SNX27: variants seen among roughly 807,000 people sequenced by gnomAD.
SNX27 encodes sorting nexin-27.
SNX27 carries 22 observed loss-of-function variants against 71.6 expected under a neutral mutation model. The ratio of observed to expected loss-of-function variants is 0.31; its 90% CI spans 0.22 to 0.44. SNX27 has a LOEUF of 0.44. Ranked by LOEUF, SNX27 falls within the 20% of genes least tolerant of loss-of-function variation. The pLI is 1.00. For missense variants in SNX27, 531 were observed against 698.6 expected (o/e 0.76, Z 2.70); for synonymous variants, 269 against 277.2 (o/e 0.97, Z 0.29).
At chr1:151,670,081 C>T (rs971833517) in intron 7 of SNX27, among the ~76,000 whole-genome samples, 2 of 152,172 alleles carry the variant, frequency 1.3e-5, no homozygotes, top group African/African-American at 2.4e-5. Flanking sequence ...CCATCCTACT[C>T]TCTATCTCCA....
chr1:151,642,598 T>C (rs1373578264), intron 2 of SNX27, among the ~76,000 whole-genome samples: 1 of 152,066 alleles, frequency 6.6e-6, no homozygotes, highest in Non-Finnish European at 1.5e-5. Context: ...TTTTATAGTT[T>C]CAGCTATCTT....
At chr1:151,615,590 A>G (rs1482946663) in intron 1 of SNX27, 2 of 510,054 alleles carry the variant, frequency 3.9e-6, no homozygotes, top group Non-Finnish European at 5.1e-6. Context: ...GTCCCAGGAA[A>G]GCTTTGCATG....
chr1:151,630,405 ATAAT>A (rs1019339219), intron 1 of SNX27, among the ~76,000 whole-genome samples: 63 of 152,256 alleles, frequency 4.1e-4, no homozygotes, highest in African/African-American at 1.4e-3. Flanking sequence ...AATTAAGATA[ATAAT>A]TTTTTATTTT....
intron 1 of SNX27, among the ~76,000 whole-genome samples, chr1:151,618,929 T>A (rs1440742049): frequency 1.3e-5 from 2 of 152,058 alleles, no homozygotes; most frequent in African/African-American, 4.8e-5. Flanking sequence ...TGGAAAAAAA[T>A]TTTAGGCAGT....
chr1:151,632,943 C>T (rs1317798992), intron 1 of SNX27, among the ~76,000 whole-genome samples: 14 of 152,040 alleles, frequency 9.2e-5, no homozygotes. Flanking sequence ...ACAATCTCAG[C>T]TCACTGCAAG....
chr1:151,690,647 A>C (rs1285617407), intron 8 of SNX27, among the ~76,000 whole-genome samples: 1 of 150,546 alleles, frequency 6.6e-6, no homozygotes. Flanking sequence ...GGGTTTCACT[A>C]TATTGCCTAG....
intron 2 of SNX27, among the ~76,000 whole-genome samples, chr1:151,648,717 C>T (rs185240354): frequency 1.4e-5 from 2 of 147,232 alleles, no homozygotes; most frequent in African/African-American, 4.9e-5. Flanking sequence ...CCATGCCCAG[C>T]CCATATTTAC....
At position 151,694,601 on chromosome 1, in the gene SNX27, A is replaced by G; in HGVS notation, c.*184A>G. On this transcript the variant is annotated 3_prime_UTR_variant, in exon 12 of 12. Coordinates refer to ENST00000458013, the MANE Select transcript of SNX27 (RefSeq NM_001330723.2). ...TTCATGTCTCTGGAATTGAGGTGGT[A>G]GTGAACAGCAGATCGGTCAGCACCA... is the stretch of plus-strand genomic sequence containing the variant. 1 of 568,162 alleles carries G rather than the reference A, an allele frequency of 1.8e-6. No homozygotes were observed. Among genetic ancestry groups the G allele is most frequent in the Non-Finnish European group, 2.9e-6 (1 of 345,334 alleles). 35.2% of individuals were successfully genotyped at this position (568,162 alleles called of 1,614,324 possible).
chr1:151,693,960 T>C, intron 11 of SNX27: 1 of 1,267,184 alleles, frequency 7.9e-7, no homozygotes, highest in East Asian at 3.4e-5. Flanking sequence ...TTTGGAAGAT[T>C]CTGAATAATT....
intron 10 of SNX27, 129 bp from the exon 11 acceptor site, chr1:151,693,295 T>C (rs1671542820): frequency 6.8e-6 from 7 of 1,029,496 alleles, no homozygotes; most frequent in Non-Finnish European, 1.0e-5. Flanking sequence ...CTGGGTTTTA[T>C]GGTACTTGTC....
chr1:151,669,562 C>G (rs1271306197), intron 7 of SNX27, among the ~76,000 whole-genome samples: 1 of 152,194 alleles, frequency 6.6e-6, no homozygotes, highest in Admixed American at 6.5e-5. Context: ...GTCTCTTCCT[C>G]TATCCCCGTG....
At chr1:151,619,204 G>A (rs767594880) in intron 1 of SNX27, among the ~76,000 whole-genome samples, 2 of 152,100 alleles carry the variant, frequency 1.3e-5, no homozygotes, top group African/African-American at 2.4e-5. Flanking sequence ...AGCCACGTGT[G>A]GTGGCGCATG....
At chr1:151,619,925 G>GT (rs1258387706) in intron 1 of SNX27, among the ~76,000 whole-genome samples, 1 of 152,196 alleles carries the variant, frequency 6.6e-6, no homozygotes, top group African/African-American at 2.4e-5. Context: ...GCTAAACGAG[G>GT]TAATAGAGAT....
intron 2 of SNX27, among the ~76,000 whole-genome samples, chr1:151,651,695 G>A (rs1200771523): frequency 1.7e-4 from 26 of 151,504 alleles, no homozygotes; most frequent in African/African-American, 5.8e-4. Flanking sequence ...GCGGCTGGGC[G>A]GAGATGCTCC....
Position 151,625,070 on chromosome 1 carries a change from A to G in SNX27, c.311+12558A>G, listed in dbSNP as rs186734679. ...TGGTAAGCAACTTATTTGACAAGTT[A>G]TTTATTCTTTTTTTTCCTTTTTGGG... On this transcript the variant is annotated intron_variant, in intron 1 of 11. Coordinates refer to ENST00000458013, the MANE Select transcript of SNX27 (RefSeq NM_001330723.2). 3.7e-3 allele frequency among the ~76,000 whole-genome samples: 563 copies of G among 152,302 alleles called. 1 individual carries two copies. Among genetic ancestry groups the G allele is most frequent in the Non-Finnish European group, 5.4e-3 (365 of 68,018 alleles).
chr1:151,652,519 C>T (rs1325622970), intron 2 of SNX27, among the ~76,000 whole-genome samples: 6 of 151,430 alleles, frequency 4.0e-5, no homozygotes, highest in Admixed American at 4.0e-4. Flanking sequence ...CGCAATTCTC[C>T]TGCCTTAGCC....
chr1:151,648,689 G>A (rs1669179251), intron 2 of SNX27, among the ~76,000 whole-genome samples: 1 of 152,176 alleles, frequency 6.6e-6, no homozygotes, highest in Admixed American at 6.5e-5. Context: ...AAAGTGCTGG[G>A]ATTACAGGCG....
intron 2 of SNX27, among the ~76,000 whole-genome samples, chr1:151,644,079 A>G (rs973832278): frequency 2.0e-5 from 3 of 152,260 alleles, no homozygotes; most frequent in African/African-American, 7.2e-5. Flanking sequence ...TAAAAGTACA[A>G]TTAGTAATTT....
chr1:151,617,834 G>A (rs12060252), intron 1 of SNX27, among the ~76,000 whole-genome samples: 3,020 of 150,282 alleles, frequency 0.02, 102 homozygotes, highest in African/African-American at 0.069. Context: ...ATTAAATCCA[G>A]ATCTTTGGAT....
Sources: gnomAD v4.1 joint callset for allele counts (sites outside exome capture counted in the v4.1 genomes callset) on GRCh38, gnomAD v4.1.1 for gene constraint, MANE v1.5 for transcripts, NCBI Gene and HGNC (gene_info 2026-07-23, HGNC 2026-07-21) for gene names.